ACOT8: variants seen among roughly 807,000 people sequenced by gnomAD.
ACOT8 encodes the protein acyl-coenzyme A thioesterase 8.
A neutral mutation model predicts 38.4 loss-of-function variants in ACOT8; 31 were observed. That is an observed-to-expected ratio of 0.81 (90% CI 0.61 to 1.09). ACOT8 has a LOEUF of 1.09. ACOT8 is among the 50% of genes least tolerant of loss of function. The pLI is 0.00. For synonymous variants in ACOT8, 158 were observed against 170.3 expected (o/e 0.93, Z 0.56); for missense variants, 373 against 421.8 (o/e 0.88, Z 1.01).
chr20:45,856,888 C>G (rs1444640570), intron 1 of ACOT8, among the ~76,000 whole-genome samples: 1 of 152,228 alleles, frequency 6.6e-6, no homozygotes, highest in Non-Finnish European at 1.5e-5. Context: ...TGCCCTTGGG[C>G]AAATCACTGC....
At position 45,844,278 on chromosome 20, in the gene ACOT8, C is replaced by T; in HGVS notation, c.631G>A (p.Ala211Thr). The T allele has an allele frequency of 6.2e-7, 1 of 1,614,182 alleles. No individual in the cohort carries two copies. Among genetic ancestry groups the T allele is most frequent in the Non-Finnish European group, 8.5e-7 (1 of 1,180,034 alleles). Residue 211 changes from alanine to threonine, a missense_variant, in exon 4 of 6, where the codon GCC becomes ACC. By Grantham distance (58) the Ala-to-Thr change is moderately conservative. Transcript: ENST00000217455. ...MEPKQMFWVR[A>T]RGYIGEGDMK... ...GTACTCTTACCAATATAGCCCCGGG[C>T]TCGCACCCAGAACATCTGTTTGGGC...
Position 45,844,546 on chromosome 20 carries a change from T to TC in ACOT8, c.489-127_489-126insG, listed in dbSNP as rs111519152. ...TGATATCCCCAAAGCTCCCCTCCCCTGTGGCAGGCAGGATAGTGCAGCGTT... is the reference window on the plus strand; with the variant it reads ...TGATATCCCCAAAGCTCCCCTCCCCTCGTGGCAGGCAGGATAGTGCAGCGTT... On this transcript the variant is annotated intron_variant, in intron 3 of 5. Transcript: ENST00000217455. 17,374 of 1,135,930 alleles carry TC rather than the reference T, an allele frequency of 0.015. 1,908 individuals are homozygous for TC. In the African/African-American group the frequency reaches 0.24, roughly 16 times the overall value. The allele number at this position is 1,135,930 out of a possible 1,614,324, so 70.4% of individuals were successfully genotyped here.
intron 1 of ACOT8, among the ~76,000 whole-genome samples, chr20:45,856,239 G>C (rs1215113224): frequency 1.3e-5 from 2 of 152,202 alleles, no homozygotes; most frequent in Non-Finnish European, 2.9e-5. Context: ...ACTCCAGCCT[G>C]GACAACAGGG....
Position 45,848,563 on chromosome 20 carries a change from C to T in ACOT8, c.375G>A (p.Gln125=). The part of the protein sequence containing the change: ...VQHGKPIFIC[Q]ASFQQAQPSP... Reference sequence around the variant, plus strand: ...TGGGCTGGGCCTGCTGGAAGGAGGCCTGGCAGATGAAGATGGGCTTCCCAT... The same window carrying T: ...TGGGCTGGGCCTGCTGGAAGGAGGCTTGGCAGATGAAGATGGGCTTCCCAT... Residue 125 remains glutamine, a synonymous_variant, in exon 3 of 6, where the codon CAG becomes CAA. Coordinates refer to ENST00000217455, the MANE Select transcript of ACOT8 (RefSeq NM_005469.4). 6.2e-7 allele frequency: 1 copy of T among 1,614,100 alleles called. No homozygotes were observed. Among genetic ancestry groups the T allele is most frequent in the Non-Finnish European group, 8.5e-7 (1 of 1,180,022 alleles).
intron 2 of ACOT8, 95 bp downstream of exon 2, chr20:45,855,064 A>C (rs1448007806): frequency 6.5e-7 from 1 of 1,530,068 alleles, no homozygotes; most frequent in Non-Finnish European, 8.9e-7. Flanking sequence ...CTTGTCTTCC[A>C]GTCTCCCTCT....
Position 45,841,821 on chromosome 20 carries a change from G to T in ACOT8, c.*17C>A, listed in dbSNP as rs764047505. ...ATGGGAGGTTCTTGAAGCCCCAGGC[G>T]AAGCTGGTACCTCTGGCTACAGCTT... On this transcript the variant is annotated 3_prime_UTR_variant, in exon 6 of 6. Transcript: ENST00000217455. 6.3e-7 allele frequency: 1 copy of T among 1,585,658 alleles called. No homozygotes were observed. Among genetic ancestry groups the T allele is most frequent in the Non-Finnish European group, 8.5e-7 (1 of 1,169,970 alleles).
intron 2 of ACOT8, among the ~76,000 whole-genome samples, chr20:45,850,102 C>T (rs924690174): frequency 4.9e-4 from 75 of 152,166 alleles, no homozygotes; most frequent in African/African-American, 1.6e-3. Flanking sequence ...CCTAGCTACT[C>T]GGGAGGCTGC....
At chr20:45,846,189 C>T (rs1338510851) in intron 3 of ACOT8, among the ~76,000 whole-genome samples, 1 of 152,184 alleles carries the variant, frequency 6.6e-6, no homozygotes, top group Non-Finnish European at 1.5e-5. Flanking sequence ...TAGAGACTAC[C>T]TTATTAACAG....
chr20:45,842,203 T>G, intron 5 of ACOT8: 1 of 1,466,478 alleles, frequency 6.8e-7, no homozygotes, highest in Non-Finnish European at 9.0e-7. Flanking sequence ...AAGGGTGCAC[T>G]GAGTGTCGTG....
Position 45,841,877 on chromosome 20 carries a change from C to T in ACOT8, c.921G>A (p.Val307=), listed in dbSNP as rs536751648. ...CTGAGACCTGGGGCTTCACTCGGAT[C>T]ACGCCCTCCTGGGCACAGGTCACAG... The part of the protein sequence containing the change: ...VLAVTCAQEG[V]IRVKPQVSES... The change falls in exon 6 of 6, where the codon GTG becomes GTA. Residue 307 remains valine, a synonymous_variant. Coordinates refer to ENST00000217455, the MANE Select transcript of ACOT8 (RefSeq NM_005469.4). 6.2e-7 allele frequency: 1 copy of T among 1,609,996 alleles called. No homozygotes were observed. The highest frequency in any genetic ancestry group is 1.7e-5 in the Admixed American group (1 of 59,634).
At chr20:45,847,863 A>G (rs1984786084) in intron 3 of ACOT8, 2 of 148,648 alleles carry the variant, frequency 1.3e-5, no homozygotes, top group South Asian at 2.2e-4. Context: ...TGCAGCCTCC[A>G]CCTCCCAGGC....
At chr20:45,856,480 G>C (rs935245939) in intron 1 of ACOT8, among the ~76,000 whole-genome samples, 6 of 151,968 alleles carry the variant, frequency 3.9e-5, no homozygotes, top group Non-Finnish European at 4.4e-5. Context: ...AGGAGTTCGA[G>C]ACCAGCCTGG....
chr20:45,850,535 C>G (rs1474978258), intron 2 of ACOT8, among the ~76,000 whole-genome samples: 5 of 152,114 alleles, frequency 3.3e-5, no homozygotes, highest in African/African-American at 1.2e-4. Context: ...ATGGTCTAGC[C>G]ATTGTCTGTT....
rs764226250 is a variant in ACOT8, at chr20:45,857,265, G to A, written c.51C>T (p.Gly17=). ...PEDGQGCGDR[G]DPPGDLRSVL... ...CGCTACGGAGGTCCCCAGGGGGATC[G>A]CCGCGGTCGCCACAGCCCTGCCCAT... Residue 17 remains glycine, a synonymous_variant, in exon 1 of 6, where the codon GGC becomes GGT. Transcript: ENST00000217455. The A allele has an allele frequency of 6.2e-7, 1 of 1,613,088 alleles. No individual in the cohort carries two copies. The highest frequency in any genetic ancestry group is 1.1e-5 in the South Asian group (1 of 90,978).
At chr20:45,857,126 C>T (rs1985506083) in intron 1 of ACOT8, 62 bp downstream of exon 1, 2 of 1,559,412 alleles carry the variant, frequency 1.3e-6, no homozygotes, top group Non-Finnish European at 1.7e-6. Flanking sequence ...CCCCGGGCGG[C>T]GGCAGTCAAG....
intron 3 of ACOT8, among the ~76,000 whole-genome samples, chr20:45,845,739 T>TGGTAGCC (rs915969650): frequency 3.9e-5 from 6 of 152,140 alleles, no homozygotes; most frequent in Admixed American, 6.5e-5. Flanking sequence ...CAGCACACTA[T>TGGTAGCC]GGTAGCCACT....
In ACOT8 at chr20:45,841,813, C is replaced by G; in HGVS notation, c.*25G>C. 6.4e-7 allele frequency: 1 copy of G among 1,571,596 alleles called. No homozygotes were observed. Among genetic ancestry groups the G allele is most frequent in the Middle Eastern group, 1.8e-4 (1 of 5,496 alleles). ...GGGGATAGATGGGAGGTTCTTGAAG[C>G]CCCAGGCGAAGCTGGTACCTCTGGC... On this transcript the variant is annotated 3_prime_UTR_variant, in exon 6 of 6. Transcript: ENST00000217455.
intron 3 of ACOT8, among the ~76,000 whole-genome samples, chr20:45,846,335 T>C (rs1242267032): frequency 6.6e-6 from 1 of 152,106 alleles, no homozygotes; most frequent in Non-Finnish European, 1.5e-5. Context: ...GCCATTGTGC[T>C]AGTTAGTACT....
At chr20:45,846,557 C>T (rs1199529855) in intron 3 of ACOT8, among the ~76,000 whole-genome samples, 1 of 152,200 alleles carries the variant, frequency 6.6e-6, no homozygotes, top group Non-Finnish European at 1.5e-5. Context: ...ACTCTGCTGC[C>T]TCCCCAGTAT....
Sources: gnomAD v4.1 joint callset for allele counts (sites outside exome capture counted in the v4.1 genomes callset) on GRCh38, gnomAD v4.1.1 for gene constraint, MANE v1.5 for transcripts, NCBI Gene and HGNC (gene_info 2026-07-23, HGNC 2026-07-21) for gene names.